Variants in DCDC2C observed in about 807,000 individuals in gnomAD.
DCDC2C encodes doublecortin domain-containing protein 2C.
Under a neutral mutation model 45.0 loss-of-function variants are expected in DCDC2C, and 44 were observed. The ratio of observed to expected loss-of-function variants is 0.98; its 90% CI spans 0.77 to 1.26. The LOEUF (loss-of-function observed/expected upper bound fraction) is 1.26, where lower values mean the gene tolerates loss of function less well. Among genes scored for constraint, DCDC2C ranks in the 50% most tolerant of loss-of-function variants. The pLI, the probability that DCDC2C is intolerant of heterozygous loss-of-function variation, is 0.00. For synonymous variants in DCDC2C, 187 were observed against 178.8 expected, an observed-to-expected ratio of 1.05 and a Z score of -0.37; for missense variants, 447 against 468.9, an observed-to-expected ratio of 0.95 and a Z score of 0.43.
chr2:3,790,076 A>G (rs1023346258), intron 10 of DCDC2C, among the ~76,000 whole-genome samples: 2 of 152,220 alleles, frequency 1.3e-5, no homozygotes, highest in Non-Finnish European at 2.9e-5. Context: ...GAGGATTGAA[A>G]TCCACCAGAC....
intron 9 of DCDC2C, among the ~76,000 whole-genome samples, chr2:3,781,387 C>T (rs964076421): frequency 7.2e-5 from 11 of 152,092 alleles, no homozygotes; most frequent in African/African-American, 1.9e-4. Flanking sequence ...CCTCAAAGAC[C>T]GGGATTGTGT....
chr2:3,769,252 G>A, intron 7 of DCDC2C, 59 bp from the exon 8 acceptor site: 5 of 1,489,028 alleles, frequency 3.4e-6, no homozygotes, highest in Non-Finnish European at 4.6e-6. Context: ...CAGGAAATAT[G>A]CAGTGGACTC....
Position 3,721,948 on chromosome 2 carries a change from T to A in DCDC2C, c.340-5055T>A, listed in dbSNP as rs369677824. On this transcript the variant is annotated intron_variant, in intron 2 of 10. Coordinates refer to ENST00000399143, the MANE Select transcript of DCDC2C (RefSeq NM_001287444.2). ...AGTCCAATTAAACCTCTTTCTTTTGTAAATTGCCCAGTCTCTGGTATGTCT... is the reference window on the plus strand; with the variant it reads ...AGTCCAATTAAACCTCTTTCTTTTGAAAATTGCCCAGTCTCTGGTATGTCT... Among the ~76,000 whole-genome samples, 180 of 152,372 alleles carry A rather than the reference T, an allele frequency of 1.2e-3. 2 individuals are homozygous for A. Among genetic ancestry groups the A allele is most frequent in the African/African-American group, 4.1e-3 (171 of 41,588 alleles).
chr2:3,745,671 G>C lies in DCDC2C; in HGVS notation c.545+3623G>C, dbSNP rs537495098. On this transcript the variant is annotated intron_variant, in intron 4 of 10. Transcript: ENST00000399143. ...ATCGTTCCTTAGATAATGCTAATAT[G>C]ATTCAGCTGAGATTTCCATCACACC... 3.9e-5 allele frequency among the ~76,000 whole-genome samples: 6 copies of C among 152,310 alleles called. No homozygotes were observed. The South Asian group carries it at 1.2e-3, about 32-fold the overall frequency.
chr2:3,836,565 A>G (rs568726972), intron 10 of DCDC2C, among the ~76,000 whole-genome samples: 3 of 152,366 alleles, frequency 2.0e-5, no homozygotes, highest in South Asian at 2.1e-4. Flanking sequence ...GAAGCTGCTT[A>G]AAGAGTACAC....
rs567752998 is a variant in DCDC2C, at chr2:3,723,110, T to G, written c.340-3893T>G. ...TCAGAGCATCAGAGCTGTTTTTCCC[T>G]AGTCATGGTAGCATTCACTCATCCA... On this transcript the variant is annotated intron_variant, in intron 2 of 10. Transcript: ENST00000399143. Among the ~76,000 whole-genome samples, 3 of 152,308 alleles carry G rather than the reference T, an allele frequency of 2.0e-5. No individual in the cohort carries two copies. The East Asian group carries it at 5.8e-4, about 29-fold the overall frequency.
At chr2:3,716,995 G>A (rs1668367994) in intron 2 of DCDC2C, among the ~76,000 whole-genome samples, 1 of 152,074 alleles carries the variant, frequency 6.6e-6, no homozygotes, top group African/African-American at 2.4e-5. Flanking sequence ...GGGGTGAGGT[G>A]GTCCTCTTTC....
intron 9 of DCDC2C, among the ~76,000 whole-genome samples, chr2:3,784,501 A>G (rs1670597542): frequency 6.6e-6 from 1 of 152,004 alleles, no homozygotes; most frequent in Non-Finnish European, 1.5e-5. Flanking sequence ...AGAGAGGGAG[A>G]TTGACTCTGA....
At chr2:3,790,754 G>A (rs1219697153) in intron 10 of DCDC2C, among the ~76,000 whole-genome samples, 1 of 152,064 alleles carries the variant, frequency 6.6e-6, no homozygotes, top group South Asian at 2.1e-4. Flanking sequence ...GAAGTCTAAG[G>A]TCATTAGTAA....
At chr2:3,707,063 A>G (rs540907539) in intron 1 of DCDC2C, among the ~76,000 whole-genome samples, 1 of 152,080 alleles carries the variant, frequency 6.6e-6, no homozygotes, top group Non-Finnish European at 1.5e-5. Flanking sequence ...CTTGCACCTC[A>G]TGGTCCCATC....
At chr2:3,741,179 T>C in intron 3 of DCDC2C, among the ~76,000 whole-genome samples, 1 of 152,184 alleles carries the variant, frequency 6.6e-6, no homozygotes, top group East Asian at 1.9e-4. Context: ...TAAGATTATA[T>C]TGAAGTTGCC....
intron 4 of DCDC2C, among the ~76,000 whole-genome samples, chr2:3,742,327 A>G (rs930765179): frequency 4.5e-4 from 69 of 152,332 alleles, no homozygotes; most frequent in African/African-American, 1.5e-3. Flanking sequence ...TGAAACCCCT[A>G]TTGAGTGGGC....
intron 10 of DCDC2C, among the ~76,000 whole-genome samples, chr2:3,811,444 T>C (rs1671389808): frequency 6.6e-6 from 1 of 152,240 alleles, no homozygotes; most frequent in Non-Finnish European, 1.5e-5. Context: ...CCTGAGACTT[T>C]GCTGAAGTTG....
At chr2:3,797,093 C>G (rs1670977756) in intron 10 of DCDC2C, among the ~76,000 whole-genome samples, 2 of 152,106 alleles carry the variant, frequency 1.3e-5, no homozygotes, top group South Asian at 4.2e-4. Flanking sequence ...CTGGTTTAGT[C>G]TTGGGAGAGT....
intron 2 of DCDC2C, among the ~76,000 whole-genome samples, chr2:3,713,324 G>C (rs541997073): frequency 6.6e-6 from 1 of 152,332 alleles, no homozygotes; most frequent in South Asian, 2.1e-4. Context: ...GTGCAAAGCA[G>C]CTCTCCCAGG....
chr2:3,835,323 C>T (rs957546727), intron 10 of DCDC2C, among the ~76,000 whole-genome samples: 3 of 152,014 alleles, frequency 2.0e-5, no homozygotes, highest in African/African-American at 7.3e-5. Context: ...TTATTTATTG[C>T]TAAGGAGATT....
Position 3,765,068 on chromosome 2 carries a change from T to C in DCDC2C, c.727-2686T>C, listed in dbSNP as rs111480994. On this transcript the variant is annotated intron_variant, in intron 6 of 10. Transcript: ENST00000399143. ...GTACTAAAGTACTAAGAGGCAAAGGTGCATGATGTAAGAAACCTCCCAAAT... is the reference window on the plus strand; with the variant it reads ...GTACTAAAGTACTAAGAGGCAAAGGCGCATGATGTAAGAAACCTCCCAAAT... Among the ~76,000 whole-genome samples, 1,405 of 152,304 alleles carry C rather than the reference T, an allele frequency of 9.2e-3. 14 individuals carry two copies. The highest frequency in any genetic ancestry group is 0.033 in the African/African-American group (1,357 of 41,558).
rs1174583398 is a variant in DCDC2C at position 3,703,922 on chromosome 2, G to A, written c.171G>A (p.Pro57=). The A allele has an allele frequency of 1.5e-6, 2 of 1,338,410 alleles. No individual in the cohort carries two copies. The highest frequency in any genetic ancestry group is 3.1e-5 in the East Asian group (1 of 32,154). 82.9% of individuals were successfully genotyped at this position (1,338,410 alleles called of 1,614,324 possible). A position where few individuals can be genotyped will look rare whatever the true frequency, so the allele number is the denominator to read the frequency against. Residue 57 remains proline (P), a synonymous_variant, in exon 1 of 11, where the codon CCG becomes CCA. Transcript: ENST00000399143. This position sits in a 1 kb window ranked among gnomAD's most constrained non-coding sequence, Gnocchi z 4.4. ...LEQLTEQVDV[P]FGVRRLFTPT... ...AGCTCACGGAGCAGGTGGACGTCCC[G>A]TTCGGCGTGCGCCGCCTCTTCACGC...
At chr2:3,777,896 G>A (rs1310398832) in intron 8 of DCDC2C, among the ~76,000 whole-genome samples, 1 of 152,252 alleles carries the variant, frequency 6.6e-6, no homozygotes, top group Non-Finnish European at 1.5e-5. Flanking sequence ...GACTCAGGGT[G>A]GCCATGCCAC....
Sources: allele counts gnomAD v4.1 joint callset (sites outside exome capture counted in the v4.1 genomes callset), GRCh38; gene constraint gnomAD v4.1.1; non-coding constraint Gnocchi (gnomAD v3.1); transcripts MANE v1.5; gene names NCBI Gene and HGNC (gene_info 2026-07-23, HGNC 2026-07-21).